GRM5: variants seen among roughly 807,000 people sequenced by gnomAD.
GRM5 encodes metabotropic glutamate receptor 5.
GRM5 carries 19 observed loss-of-function variants against 83.1 expected under a neutral mutation model. The observed-to-expected ratio is 0.23, with a 90% CI of 0.16 to 0.34. The LOEUF is 0.34. GRM5 is among the 10% of genes least tolerant of loss of function. The pLI is 1.00. For missense variants in GRM5, 1,160 were observed against 1,588.3 expected (o/e 0.73, Z 4.58); for synonymous variants, 675 against 633.6 (o/e 1.07, Z -0.98).
At chr11:88,811,073 A>G (rs1184210942) in intron 3 of GRM5, among the ~76,000 whole-genome samples, 1 of 152,124 alleles carries the variant, frequency 6.6e-6, no homozygotes, top group Non-Finnish European at 1.5e-5. Context: ...TCCTATGGAA[A>G]AGCCATTATT....
At position 88,506,500 on chromosome 11, in the gene GRM5, G is replaced by A. The variant is rs1362669662; in HGVS notation, c.*2092C>T. 3 of 152,114 alleles carry A rather than the reference G, an allele frequency of 2.0e-5. No individual in the cohort carries two copies. The highest frequency in any genetic ancestry group is 7.2e-5 in the African/African-American group (3 of 41,404). 9.4% of individuals were successfully genotyped at this position (152,114 alleles called of 1,614,324 possible). ...ATTTCCATTTGTTTTTCAGATAGAG[G>A]CAGACATTTGCTTTTAATGAAACCA... On this transcript the variant is annotated 3_prime_UTR_variant, in exon 10 of 10. Coordinates refer to ENST00000305447, the MANE Select transcript of GRM5 (RefSeq NM_001143831.3).
At chr11:88,621,790 T>C (rs948016563) in intron 4 of GRM5, among the ~76,000 whole-genome samples, 1 of 152,166 alleles carries the variant, frequency 6.6e-6, no homozygotes, top group Non-Finnish European at 1.5e-5. Flanking sequence ...CCATCTCTTA[T>C]AATAAGCACT....
chr11:88,921,747 G>C (rs1333580216), intron 2 of GRM5, among the ~76,000 whole-genome samples: 2 of 152,110 alleles, frequency 1.3e-5, no homozygotes, highest in African/African-American at 2.4e-5. Context: ...AATTCTGGAA[G>C]TCCTAGTAAG....
chr11:89,034,470 A>G (rs965585561), intron 2 of GRM5, among the ~76,000 whole-genome samples: 2 of 151,806 alleles, frequency 1.3e-5, no homozygotes, highest in African/African-American at 2.4e-5. Context: ...ACATATGAAC[A>G]TATTCTTTCT....
rs1416446611 is a variant in GRM5, at chr11:88,507,843, T to C, written c.*749A>G. ...ACATGGTGAAATAGTCAAGAAATCT[T>C]CCACTGGTTTTCTTGGTTAATGGAG... is the stretch of plus-strand genomic sequence containing the variant. On this transcript the variant is annotated 3_prime_UTR_variant, in exon 10 of 10. Transcript: ENST00000305447. The C allele has an allele frequency of 6.6e-6, 1 of 152,654 alleles. No homozygotes were observed. Among genetic ancestry groups the C allele is most frequent in the Non-Finnish European group, 1.5e-5 (1 of 68,038 alleles). The allele number at this position is 152,654 out of a possible 1,614,324, so 9.5% of individuals were successfully genotyped here.
chr11:89,041,663 C>G (rs1941538076), intron 2 of GRM5, among the ~76,000 whole-genome samples: 1 of 152,170 alleles, frequency 6.6e-6, no homozygotes, highest in Non-Finnish European at 1.5e-5. Context: ...AACGCTCTTT[C>G]CAGAGCTATC....
At chr11:88,975,575 G>A (rs76131247) in intron 2 of GRM5, among the ~76,000 whole-genome samples, 2,417 of 152,192 alleles carry the variant, frequency 0.016, 56 homozygotes, top group African/African-American at 0.056. Flanking sequence ...TCACAGTGTG[G>A]CCCATGGGCC....
At chr11:88,880,272 C>G (rs150477217) in intron 2 of GRM5, among the ~76,000 whole-genome samples, 1 of 151,694 alleles carries the variant, frequency 6.6e-6, no homozygotes, top group East Asian at 1.9e-4. Flanking sequence ...GCAAGCAATG[C>G]GTAAATATTA....
At chr11:88,647,352 T>C (rs1406644359) in intron 4 of GRM5, among the ~76,000 whole-genome samples, 1 of 122,876 alleles carries the variant, frequency 8.1e-6, no homozygotes, top group Non-Finnish European at 1.9e-5. Flanking sequence ...AAAAAAAGTA[T>C]AAGACACTCC....
At chr11:88,986,460 T>C (rs566159602) in intron 2 of GRM5, among the ~76,000 whole-genome samples, 1 of 152,278 alleles carries the variant, frequency 6.6e-6, no homozygotes, top group South Asian at 2.1e-4. Flanking sequence ...GATTTTATAC[T>C]ATAATTTTGC....
intron 2 of GRM5, among the ~76,000 whole-genome samples, chr11:88,942,343 A>G (rs1400170859): frequency 6.6e-6 from 1 of 152,006 alleles, no homozygotes; most frequent in African/African-American, 2.4e-5. Context: ...GGGATATATG[A>G]GTATATATTG....
At chr11:88,601,070 A>T (rs1937975317) in intron 5 of GRM5, among the ~76,000 whole-genome samples, 1 of 152,212 alleles carries the variant, frequency 6.6e-6, no homozygotes, top group Non-Finnish European at 1.5e-5. Context: ...CAAATGTAAT[A>T]TAAGAAAAAA....
intron 2 of GRM5, among the ~76,000 whole-genome samples, chr11:88,961,277 AT>A (rs1342614237): frequency 2.0e-5 from 3 of 152,190 alleles, no homozygotes; most frequent in African/African-American, 7.2e-5. Context: ...AATGGGTGCA[AT>A]GTACAAGCAG....
At chr11:88,656,120 A>T (rs2135310594) in intron 3 of GRM5, among the ~76,000 whole-genome samples, 1 of 151,078 alleles carries the variant, frequency 6.6e-6, no homozygotes, top group South Asian at 2.1e-4. Context: ...ACTTTGATAG[A>T]GTGGACCTTC....
At chr11:88,950,527 C>A (rs1318348608) in intron 2 of GRM5, among the ~76,000 whole-genome samples, 4 of 151,690 alleles carry the variant, frequency 2.6e-5, no homozygotes, top group Non-Finnish European at 5.9e-5. Flanking sequence ...TAAAAAAAAA[C>A]AGAACTAGAA....
At chr11:88,939,156 T>C (rs1313748244) in intron 2 of GRM5, among the ~76,000 whole-genome samples, 1 of 151,790 alleles carries the variant, frequency 6.6e-6, no homozygotes, top group Non-Finnish European at 1.5e-5. Context: ...CTGAAATAAT[T>C]TCTCTTCTCT....
At chr11:88,791,617 T>C (rs1296515301) in intron 3 of GRM5, among the ~76,000 whole-genome samples, 2 of 152,154 alleles carry the variant, frequency 1.3e-5, no homozygotes, top group Admixed American at 6.6e-5. Flanking sequence ...TTATATATTC[T>C]AGAATATAAA....
chr11:89,021,173 A>T (rs1002344217), intron 2 of GRM5, among the ~76,000 whole-genome samples: 1 of 152,204 alleles, frequency 6.6e-6, no homozygotes, highest in Non-Finnish European at 1.5e-5. Context: ...GATTCAGTGG[A>T]TATTTGGAGT....
chr11:88,522,009 A>G (rs1346582556), intron 9 of GRM5, among the ~76,000 whole-genome samples: 1 of 152,204 alleles, frequency 6.6e-6, no homozygotes, highest in Non-Finnish European at 1.5e-5. Flanking sequence ...CTACAGCTTC[A>G]TTATACAAAA....
Sources: gnomAD v4.1 joint callset for allele counts (sites outside exome capture counted in the v4.1 genomes callset) on GRCh38, gnomAD v4.1.1 for gene constraint, MANE v1.5 for transcripts, NCBI Gene and HGNC (gene_info 2026-07-23, HGNC 2026-07-21) for gene names.